The following STXBP5 variants were observed in gnomAD, a reference collection of about 807,000 sequenced individuals.
STXBP5 encodes the protein syntaxin binding protein 5.
STXBP5 carries 50 observed loss-of-function variants against 152.4 expected under a neutral mutation model. The ratio of observed to expected loss-of-function variants is 0.33; its 90% confidence interval spans 0.26 to 0.42. The LOEUF is 0.42. STXBP5 is among the 10% of genes least tolerant of loss of function. STXBP5 has a pLI of 1.00. For synonymous variants in STXBP5, 492 were observed against 494.7 expected, an observed-to-expected ratio of 0.99 and a Z score of 0.07; for missense variants, 1,167 against 1,388.6, an observed-to-expected ratio of 0.84 and a Z score of 2.54.
intron 4 of STXBP5, among the ~76,000 whole-genome samples, chr6:147,260,047 A>G (rs562199225): frequency 2.0e-5 from 3 of 152,306 alleles, no homozygotes; most frequent in South Asian, 2.1e-4. Flanking sequence ...CAGTCCTTCA[A>G]AAGGCCCACA....
At chr6:147,311,311 A>G in intron 10 of STXBP5, 144 bp from the exon 11 acceptor site, 2 of 696,298 alleles carry the variant, frequency 2.9e-6, no homozygotes, top group Non-Finnish European at 4.8e-6. Flanking sequence ...TACTAGCCTT[A>G]AATAACATGC....
intron 25 of STXBP5, 81 bp downstream of exon 25, chr6:147,364,247 T>G: frequency 1.6e-6 from 2 of 1,287,998 alleles, no homozygotes; most frequent in South Asian, 2.9e-5. Flanking sequence ...CCCCTTATTC[T>G]CATGGAACTA....
At position 147,204,614 on chromosome 6, in the gene STXBP5, C is replaced by T; in HGVS notation, c.82C>T (p.His28Tyr). ...SSASQQQQQQ[H>Y]PPGNREPEIQ... is the part of the protein sequence containing the mutation. ...GGCGTCGCAGCAGCAACAGCAGCAG[C>T]ATCCGCCTGGGAACCGGGAGCCGGA... The change falls in exon 1 of 28, where the codon CAT becomes TAT. Residue 28 changes from histidine (H) to tyrosine (Y), a missense_variant. Coordinates refer to ENST00000321680, the MANE Select transcript of STXBP5 (RefSeq NM_001127715.4). The surrounding 1 kb of genome is among the most constrained non-coding windows in gnomAD (Gnocchi z 4.3). 1.9e-6 allele frequency: 3 copies of T among 1,611,020 alleles called. No individual in the cohort carries two copies. The highest frequency in any genetic ancestry group is 2.5e-6 in the Non-Finnish European group (3 of 1,178,536).
Position 147,363,365 on chromosome 6 carries a change from T to C in STXBP5, c.2576T>C (p.Leu859Ser). ...ATATTGAGGTTAAAAGGTGCAATCT[T>C]GAGAATGGCATTTCTGGATACCACA... ...GTILRLKGAI[L>S]RMAFLDTTGC... The change falls in exon 24 of 28, where the codon TTG becomes TCG. Residue 859 changes from leucine (L) to serine (S), a missense_variant. Leu to Ser is a moderately radical substitution (Grantham distance 145, BLOSUM62 -2). Around this residue, in one of 3 missense-constraint regions of STXBP5, gnomAD observed 833 missense variants for 986.3 expected, o/e 0.84. Coordinates refer to ENST00000321680, the MANE Select transcript of STXBP5 (RefSeq NM_001127715.4). 1.2e-6 allele frequency: 2 copies of C among 1,607,382 alleles called. No homozygotes were observed. Among genetic ancestry groups the C allele is most frequent in the Non-Finnish European group, 1.7e-6 (2 of 1,177,828 alleles).
rs79529560 is a variant in STXBP5 at position 147,386,654 on chromosome 6, A to G, written c.*1899A>G. On this transcript the variant is annotated 3_prime_UTR_variant, in exon 28 of 28. Coordinates refer to ENST00000321680, the MANE Select transcript of STXBP5 (RefSeq NM_001127715.4). ...CAGCTGCCTGAACATTCAGCAGTTT[A>G]TAAATTGCTTAATTTGTGTTATCTA... is the stretch of plus-strand genomic sequence containing the variant. 1,101 of 151,962 alleles carry G rather than the reference A, an allele frequency of 7.2e-3. 13 individuals carry two copies. The highest frequency in any genetic ancestry group is 0.025 in the African/African-American group (1,056 of 41,536). The allele number at this position is 151,962 out of a possible 1,614,324, so 9.4% of individuals were successfully genotyped here. A position where few individuals can be genotyped will look rare whatever the true frequency, so the allele number is the denominator to read the frequency against.
intron 23 of STXBP5, 142 bp from the exon 24 acceptor site, chr6:147,363,193 C>T (rs947470321): frequency 1.2e-5 from 10 of 864,930 alleles, no homozygotes; most frequent in South Asian, 6.9e-5. Context: ...GCTTAAAGTC[C>T]GAATCCTGTC....
intron 4 of STXBP5, among the ~76,000 whole-genome samples, chr6:147,252,589 C>A (rs374807134): frequency 2.0e-5 from 3 of 152,028 alleles, no homozygotes; most frequent in African/African-American, 7.2e-5. Context: ...AAAGACCAAA[C>A]CTATGTTTGA....
Position 147,311,469 on chromosome 6 carries a change from T to C in STXBP5, c.1087T>C (p.Tyr363His), listed in dbSNP as rs1446687958. The C allele has an allele frequency of 2.5e-6, 4 of 1,612,014 alleles. No individual in the cohort carries two copies. The highest frequency in any genetic ancestry group is 3.4e-6 in the Non-Finnish European group (4 of 1,179,100). ...TPYPNDFQEPYAVVVLLEKDL... is the reference protein window; with the variant it reads ...TPYPNDFQEPHAVVVLLEKDL... Reference sequence around the variant, plus strand: ...TCCAATTCCAGATTTTCAAGAACCATATGCTGTGGTTGTTCTTCTAGAAAA... The same window carrying C: ...TCCAATTCCAGATTTTCAAGAACCACATGCTGTGGTTGTTCTTCTAGAAAA... Residue 363 changes from tyrosine to histidine, a missense_variant, in exon 11 of 28, where the codon TAT becomes CAT. Coordinates refer to ENST00000321680, the MANE Select transcript of STXBP5 (RefSeq NM_001127715.4).
chr6:147,248,083 G>A (rs912189702), intron 4 of STXBP5, among the ~76,000 whole-genome samples: 3 of 151,816 alleles, frequency 2.0e-5, no homozygotes, highest in Non-Finnish European at 2.9e-5. Context: ...AGTTCAAGAC[G>A]AGCCTGGCCA....
intron 27 of STXBP5, among the ~76,000 whole-genome samples, chr6:147,383,441 C>A (rs1027323527): frequency 6.6e-5 from 10 of 151,992 alleles, no homozygotes; most frequent in Admixed American, 6.6e-5. Flanking sequence ...GCGTTGTGGA[C>A]CAATTCATAT....
chr6:147,316,830 A>G (rs1224771551), intron 16 of STXBP5, among the ~76,000 whole-genome samples: 1 of 152,084 alleles, frequency 6.6e-6, no homozygotes, highest in Non-Finnish European at 1.5e-5. Context: ...CTTCACTAGC[A>G]CCACCGTATC....
In STXBP5 at chr6:147,310,267, T is replaced by C. The variant is rs1271664696; in HGVS notation, c.1072+29T>C. 7 of 1,468,982 alleles carry C rather than the reference T, an allele frequency of 4.8e-6. No homozygotes were observed. The East Asian group carries it at 1.5e-4, about 31-fold the overall frequency. 91.0% of individuals were successfully genotyped at this position (1,468,982 alleles called of 1,614,324 possible). Reference sequence around the variant, plus strand: ...AGCTTTGCAACTTTAAAGCTCATTCTCTATAGAGAGCTGATATTAAAAAAA... The same window carrying C: ...AGCTTTGCAACTTTAAAGCTCATTCCCTATAGAGAGCTGATATTAAAAAAA... On this transcript the variant is annotated intron_variant, in intron 10 of 27. Transcript: ENST00000321680.
At chr6:147,295,475 C>G (rs2128356248) in intron 9 of STXBP5, among the ~76,000 whole-genome samples, 1 of 152,206 alleles carries the variant, frequency 6.6e-6, no homozygotes, top group East Asian at 1.9e-4. Context: ...ACAAAAGGAC[C>G]AAAAAGAACA....
rs376638233 is a variant in STXBP5 at position 147,388,335 on chromosome 6, G to A, written c.*3580G>A. 1 of 151,728 alleles carries A rather than the reference G, an allele frequency of 6.6e-6. No individual in the cohort carries two copies. Among genetic ancestry groups the A allele is most frequent in the East Asian group, 1.9e-4 (1 of 5,170 alleles). The allele number at this position is 151,728 out of a possible 1,614,324, so 9.4% of individuals were successfully genotyped here. A position where few individuals can be genotyped will look rare whatever the true frequency, so the allele number is the denominator to read the frequency against. ...TTAAAAAATAGTAAAATAATCTGCT[G>A]TATGTTTCAGTGTTCTTGGTCTTAA... On this transcript the variant is annotated 3_prime_UTR_variant, in exon 28 of 28. Transcript: ENST00000321680.
chr6:147,365,644 A>G (rs1785257890), intron 25 of STXBP5, among the ~76,000 whole-genome samples: 1 of 151,678 alleles, frequency 6.6e-6, no homozygotes, highest in Non-Finnish European at 1.5e-5. Context: ...AAAATGGACT[A>G]TCTTAAAGGA....
intron 25 of STXBP5, 105 bp from the exon 26 acceptor site, chr6:147,373,626 G>A (rs1785669210): frequency 5.5e-6 from 4 of 730,446 alleles, no homozygotes; most frequent in Non-Finnish European, 9.6e-6. Flanking sequence ...AATCTCAACA[G>A]GTAATGTTCT....
At chr6:147,320,912 A>G (rs1209219122) in intron 16 of STXBP5, among the ~76,000 whole-genome samples, 2 of 152,070 alleles carry the variant, frequency 1.3e-5, no homozygotes, top group Middle Eastern at 3.2e-3. Flanking sequence ...CATGATAACT[A>G]TTTCCTTTTC....
chr6:147,289,225 C>T (rs1026145798), intron 8 of STXBP5, among the ~76,000 whole-genome samples: 1 of 152,170 alleles, frequency 6.6e-6, no homozygotes, highest in Non-Finnish European at 1.5e-5. Context: ...TTCTAGAGCC[C>T]TCTCCTGCCC....
intron 9 of STXBP5, among the ~76,000 whole-genome samples, chr6:147,295,231 C>G (rs1164056373): frequency 6.6e-6 from 1 of 152,140 alleles, no homozygotes; most frequent in Non-Finnish European, 1.5e-5. Context: ...AGATTTTCAA[C>G]AAGAAACAAC....
Sources: allele counts gnomAD v4.1 joint callset (sites outside exome capture counted in the v4.1 genomes callset), GRCh38; gene constraint gnomAD v4.1.1; regional missense constraint gnomAD v4.1.1; non-coding constraint Gnocchi (gnomAD v3.1); transcripts MANE v1.5; gene names NCBI Gene and HGNC (gene_info 2026-07-23, HGNC 2026-07-21).